Variants in FHOD3 observed in about 807,000 individuals in gnomAD.
The protein encoded by FHOD3 is FH1/FH2 domain-containing protein 3.
Under a neutral mutation model 173.0 loss-of-function variants are expected in FHOD3, and 90 were observed. The ratio of observed to expected loss-of-function variants is 0.52; its 90% CI spans 0.44 to 0.62. FHOD3 has a LOEUF of 0.62. Ranked by LOEUF, FHOD3 falls within the 20% of genes least tolerant of loss-of-function variation. The pLI is 0.00. For missense variants in FHOD3, 1,945 were observed against 2,034.7 expected, an observed-to-expected ratio of 0.96 and a Z score of 0.85; for synonymous variants, 828 against 823.0, an observed-to-expected ratio of 1.01 and a Z score of -0.10.
intron 1 of FHOD3, among the ~76,000 whole-genome samples, chr18:36,330,932 C>T (rs966855908): frequency 2.0e-5 from 3 of 152,136 alleles, no homozygotes; most frequent in East Asian, 1.9e-4. Context: ...TGAGCATGCT[C>T]ATTTGGGAGC....
intron 3 of FHOD3, among the ~76,000 whole-genome samples, chr18:36,479,974 C>A (rs1480556517): frequency 1.3e-5 from 2 of 152,110 alleles, no homozygotes; most frequent in Admixed American, 6.6e-5. Flanking sequence ...TACTGGCCAC[C>A]CAGAACTAGG....
At chr18:36,504,390 C>T (rs2055190640) in intron 4 of FHOD3, among the ~76,000 whole-genome samples, 3 of 152,150 alleles carry the variant, frequency 2.0e-5, no homozygotes, top group Admixed American at 6.5e-5. Flanking sequence ...GCTTCATATA[C>T]ACCATGGAAT....
intron 27 of FHOD3, among the ~76,000 whole-genome samples, chr18:36,765,016 C>A (rs145766785): frequency 7.5e-4 from 114 of 152,192 alleles, no homozygotes; most frequent in African/African-American, 2.7e-3. Context: ...GAGAAGCCAG[C>A]AGAATTTGTA....
chr18:36,389,878 C>T lies in FHOD3; in HGVS notation c.337+17134C>T, dbSNP rs553340983. Among the ~76,000 whole-genome samples the T allele has an allele frequency of 8.0e-4, 121 of 152,186 alleles. 1 individual carries two copies. Among genetic ancestry groups the T allele is most frequent in the Admixed American group, 1.3e-3 (20 of 15,290 alleles). On this transcript the variant is annotated intron_variant, in intron 3 of 28. Transcript: ENST00000590592. ...CAGCCCTTCCTTTTTCAATGAGTGT[C>T]CTATTCTGAGGACCCTCAAGGTCAC...
At chr18:36,732,224 C>T (rs1353867186) in intron 20 of FHOD3, among the ~76,000 whole-genome samples, 2 of 152,182 alleles carry the variant, frequency 1.3e-5, no homozygotes, top group South Asian at 4.1e-4. Flanking sequence ...TCCCCTGGGG[C>T]CTTCAGAGAC....
intron 3 of FHOD3, among the ~76,000 whole-genome samples, chr18:36,436,800 G>C (rs1339647532): frequency 6.6e-6 from 1 of 152,170 alleles, no homozygotes; most frequent in Non-Finnish European, 1.5e-5. Flanking sequence ...GGTGTGTTTT[G>C]ATAATATAGC....
intron 1 of FHOD3, among the ~76,000 whole-genome samples, chr18:36,320,069 A>G (rs1228047588): frequency 6.6e-6 from 1 of 152,006 alleles, no homozygotes; most frequent in Admixed American, 6.6e-5. Context: ...ATGTCACAAT[A>G]GAATAAGAGA....
intron 1 of FHOD3, among the ~76,000 whole-genome samples, chr18:36,329,909 C>T (rs138114139): frequency 6.6e-6 from 1 of 152,302 alleles, no homozygotes; most frequent in Non-Finnish European, 1.5e-5. Context: ...TATGCTAAAT[C>T]AAATCAATTG....
At chr18:36,708,329 A>G (rs888600600) in intron 17 of FHOD3, among the ~76,000 whole-genome samples, 3 of 152,368 alleles carry the variant, frequency 2.0e-5, no homozygotes, top group East Asian at 1.9e-4. Context: ...GGTTCAGCCA[A>G]CTGATTTCAG....
At chr18:36,380,886 G>A (rs2047748618) in intron 3 of FHOD3, among the ~76,000 whole-genome samples, 1 of 152,048 alleles carries the variant, frequency 6.6e-6, no homozygotes, top group Non-Finnish European at 1.5e-5. Flanking sequence ...ACAGGTTCAA[G>A]AGCCCTTGCC....
rs371573246 is a variant in FHOD3 at position 36,550,243 on chromosome 18, C to CATAT, written c.512-26187_512-26184dup. On this transcript the variant is annotated intron_variant, in intron 5 of 28. Transcript: ENST00000590592. Reference sequence around the variant, plus strand: ...ATATATATATAGGCCAGTGGTAGACCATATATATATATATATATATATATG... The same window carrying CATAT: ...ATATATATATAGGCCAGTGGTAGACCATATATATATATATATATATATATATATG... Among the ~76,000 whole-genome samples the CATAT allele has an allele frequency of 8.9e-3, 1,077 of 120,688 alleles. 38 individuals are homozygous for CATAT. Among genetic ancestry groups the CATAT allele is most frequent in the African/African-American group, 0.029 (921 of 31,434 alleles). 79.2% of individuals were successfully genotyped at this position (120,688 alleles called of 152,430 possible).
intron 6 of FHOD3, among the ~76,000 whole-genome samples, chr18:36,590,066 T>A (rs2059161457): frequency 6.6e-6 from 1 of 152,158 alleles, no homozygotes; most frequent in East Asian, 1.9e-4. Flanking sequence ...ACTCGCCTCG[T>A]TTGTGACACT....
chr18:36,415,486 G>A (rs79997205), intron 3 of FHOD3, among the ~76,000 whole-genome samples: 61 of 152,250 alleles, frequency 4.0e-4, no homozygotes, highest in African/African-American at 1.5e-3. Flanking sequence ...TTGTCAGCAC[G>A]CAAGGATTTA....
intron 14 of FHOD3, among the ~76,000 whole-genome samples, chr18:36,679,720 A>G (rs2038108812): frequency 6.6e-6 from 1 of 151,976 alleles, no homozygotes; most frequent in South Asian, 2.1e-4. Flanking sequence ...ATTGATTTTC[A>G]ATGCAGTTGC....
rs527379684 is a variant in FHOD3 at position 36,701,046 on chromosome 18, G to C, written c.2236+7623G>C. On this transcript the variant is annotated intron_variant, in intron 17 of 28. Coordinates refer to ENST00000590592, the MANE Select transcript of FHOD3 (RefSeq NM_001281740.3). ...CCTCCCAAGCATCTACGTGTGCCTC[G>C]GGCAGGGCACGTGCCTGTGCCCACC... Among the ~76,000 whole-genome samples, 45 of 152,302 alleles carry C rather than the reference G, an allele frequency of 3.0e-4. 1 individual carries two copies. The South Asian group carries it at 7.5e-3, about 25-fold the overall frequency.
At chr18:36,646,444 G>A (rs1225841886) in intron 10 of FHOD3, among the ~76,000 whole-genome samples, 1 of 152,134 alleles carries the variant, frequency 6.6e-6, no homozygotes, top group Non-Finnish European at 1.5e-5. Context: ...AAAGATGTCA[G>A]TTCTTCAAAT....
chr18:36,560,752 T>C (rs1457361939), intron 5 of FHOD3, among the ~76,000 whole-genome samples: 7 of 151,912 alleles, frequency 4.6e-5, no homozygotes, highest in African/African-American at 1.2e-4. Flanking sequence ...GGAGAGAGGC[T>C]GCAGCACAGC....
chr18:36,611,403 G>A (rs1038465209), intron 8 of FHOD3, among the ~76,000 whole-genome samples: 1 of 152,166 alleles, frequency 6.6e-6, no homozygotes, highest in Non-Finnish European at 1.5e-5. Context: ...TGTCGCCCAG[G>A]ACTGAAGTCT....
chr18:36,619,960 G>A lies in FHOD3; in HGVS notation c.958-5551G>A, dbSNP rs73948094. Among the ~76,000 whole-genome samples the A allele has an allele frequency of 5.2e-3, 792 of 152,296 alleles. 10 individuals carry two copies. The highest frequency in any genetic ancestry group is 0.018 in the African/African-American group (756 of 41,574). ...TGGCTACAGGGGTAGGGCCTGGAGA[G>A]CAGCATGTTCAGAGCCTGGGGGACA... On this transcript the variant is annotated intron_variant, in intron 9 of 28. Transcript: ENST00000590592.
Sources: gnomAD v4.1 joint callset for allele counts (sites outside exome capture counted in the v4.1 genomes callset) on GRCh38, gnomAD v4.1.1 for gene constraint, MANE v1.5 for transcripts, NCBI Gene and HGNC (gene_info 2026-07-23, HGNC 2026-07-21) for gene names.